The following NCBP2L variants were observed in gnomAD, a reference collection of about 807,000 sequenced individuals.
NCBP2L encodes nuclear cap-binding protein subunit 2-like.
For missense variants in NCBP2L, 95 were observed against 53.1 expected (o/e 1.79, Z -2.45); for synonymous variants, 39 against 19.2 (o/e 2.04, Z -2.70).
At chrX:107,792,554 A>G (rs1377840080) in intron 1 of NCBP2L, among the ~76,000 whole-genome samples, 1 of 111,934 alleles carries the variant, frequency 8.9e-6, no homozygotes, top group Admixed American at 9.5e-5. Flanking sequence ...TGAATTGCAC[A>G]GCACTGTTGT....
At chrX:107,787,753 AC>A (rs1448727425) in intron 1 of NCBP2L, among the ~76,000 whole-genome samples, 1 of 111,900 alleles carries the variant, frequency 8.9e-6, no homozygotes, top group African/African-American at 3.2e-5. Context: ...GCATGTAGTA[AC>A]ACTACTGTCC....
Position 107,781,007 on chromosome X carries a change from G to GTC in NCBP2L, c.-73+3152_-73+3153dup, listed in dbSNP as rs759818084. On this transcript the variant is annotated intron_variant, in intron 1 of 1. Transcript: ENST00000509000. ...AGTGGTACAATCTCAGCTCACTACA[G>GTC]TCTCGACCTCCTGGGCTCCAGGGGT... 9.9e-3 allele frequency among the ~76,000 whole-genome samples: 1,092 copies of GTC among 110,549 alleles called. 7 individuals are homozygous for GTC. The highest frequency in any genetic ancestry group is 0.016 in the Non-Finnish European group (845 of 52,894).
At chrX:107,791,509 G>A (rs1930452530) in intron 1 of NCBP2L, among the ~76,000 whole-genome samples, 1 of 112,447 alleles carries the variant, frequency 8.9e-6, no homozygotes, top group East Asian at 2.8e-4. Flanking sequence ...GCCTCCCAAA[G>A]TGCTGGGATT....
At chrX:107,783,642 G>A (rs1930358282) in intron 1 of NCBP2L, among the ~76,000 whole-genome samples, 1 of 108,986 alleles carries the variant, frequency 9.2e-6, no homozygotes. Flanking sequence ...CAAAGTGCTG[G>A]GATTACAGAC....
chrX:107,784,569 A>G (rs1380289784), intron 1 of NCBP2L, among the ~76,000 whole-genome samples: 2 of 110,193 alleles, frequency 1.8e-5, no homozygotes, highest in African/African-American at 3.3e-5. Flanking sequence ...ACTTTTCCCG[A>G]TAACAATCTC....
intron 1 of NCBP2L, among the ~76,000 whole-genome samples, chrX:107,779,837 G>A (rs1930243184): frequency 1.0e-5 from 1 of 99,895 alleles, no homozygotes; most frequent in Non-Finnish European, 2.0e-5. Context: ...TCCACCTCCC[G>A]GGTTCACGCC....
At chrX:107,779,738 ATTTTTTTTT>A (rs60997776) in intron 1 of NCBP2L, among the ~76,000 whole-genome samples, 3 of 36,634 alleles carry the variant, frequency 8.2e-5, no homozygotes, top group African/African-American at 3.0e-4. Flanking sequence ...TATCCCCTGA[ATTTTTTTTT>A]TTTTTTTTTT....
At chrX:107,781,782 C>CTATAGATATCTATATTTATATATAGATA (rs1930291527) in intron 1 of NCBP2L, among the ~76,000 whole-genome samples, 1 of 29,391 alleles carries the variant, frequency 3.4e-5, no homozygotes, top group Non-Finnish European at 7.2e-5. Context: ...ATATATAGAT[C>CTATAGATATCTATATTTATATATAGATA]TATAGATATC....
chrX:107,782,198 T>TATATATATAA (rs1930305540), intron 1 of NCBP2L, among the ~76,000 whole-genome samples: 2 of 13,805 alleles, frequency 1.4e-4, no homozygotes, highest in Non-Finnish European at 2.1e-4. Context: ...TATATATAAA[T>TATATATATAA]ATATATATAT....
intron 1 of NCBP2L, among the ~76,000 whole-genome samples, chrX:107,782,236 AATATATATATATAAAT>A (rs1216401744): frequency 0.041 from 294 of 7,200 alleles, 6 homozygotes; most frequent in Non-Finnish European, 0.055. Context: ...TATATATATA[AATATATATATATAAAT>A]ATATATATAA....
At chrX:107,781,279 G>A (rs1280521701) in intron 1 of NCBP2L, among the ~76,000 whole-genome samples, 5 of 95,409 alleles carry the variant, frequency 5.2e-5, no homozygotes, top group Non-Finnish European at 1.0e-4. Flanking sequence ...GCAGTGGCAC[G>A]ATCTCGGCTC....
At chrX:107,786,080 C>T (rs768079679) in intron 1 of NCBP2L, among the ~76,000 whole-genome samples, 1 of 111,440 alleles carries the variant, frequency 9.0e-6, no homozygotes, top group Admixed American at 9.6e-5. Flanking sequence ...ATACTGTGCA[C>T]GCAGATTGAT....
chrX:107,783,729 G>A (rs1355293821), intron 1 of NCBP2L, among the ~76,000 whole-genome samples: 2 of 110,668 alleles, frequency 1.8e-5, no homozygotes, highest in African/African-American at 6.6e-5. Context: ...ATTGTGAAAC[G>A]ATTACCACAA....
intron 1 of NCBP2L, among the ~76,000 whole-genome samples, chrX:107,782,170 TATATATATATAA>T (rs1341294217): frequency 1.8e-3 from 65 of 36,378 alleles, no homozygotes; most frequent in African/African-American, 8.3e-3. Flanking sequence ...CACGGCTATA[TATATATATATAA>T]ATATATATAT....
intron 1 of NCBP2L, among the ~76,000 whole-genome samples, chrX:107,790,538 T>C (rs1361012163): frequency 9.0e-6 from 1 of 111,231 alleles, no homozygotes; most frequent in Admixed American, 9.6e-5. Context: ...TATCATCTTT[T>C]CCTTATTTTC....
chrX:107,791,679 C>T (rs1423102132), intron 1 of NCBP2L, among the ~76,000 whole-genome samples: 1 of 111,541 alleles, frequency 9.0e-6, no homozygotes, highest in Non-Finnish European at 1.9e-5. Flanking sequence ...ATTTGTATAT[C>T]CTATTTTGAA....
intron 1 of NCBP2L, among the ~76,000 whole-genome samples, chrX:107,781,072 G>A (rs1252943053): frequency 3.6e-5 from 4 of 109,886 alleles, no homozygotes; most frequent in African/African-American, 1.3e-4. Flanking sequence ...GACTGCAAGG[G>A]TGTGCTACCA....
At chrX:107,781,472 A>ATTTTT (rs769639335) in intron 1 of NCBP2L, among the ~76,000 whole-genome samples, 33 of 73,852 alleles carry the variant, frequency 4.5e-4, no homozygotes, top group African/African-American at 2.2e-3. Context: ...CGCCCGGCTA[A>ATTTTT]TTTTTTTTTT....
Position 107,794,914 on chromosome X carries a change from G to T in NCBP2L, c.*232G>T. The T allele has an allele frequency of 3.7e-6, 1 of 269,747 alleles. No individual in the cohort carries two copies. The highest frequency in any genetic ancestry group is 6.6e-6 in the Non-Finnish European group (1 of 152,292). 22.2% of individuals were successfully genotyped at this position (269,747 alleles called of 1,213,427 possible). Reference sequence around the variant, plus strand: ...TGACTGTTAGGTGGTCCAAAGTGAAGTGTTCTTCGGGAACAAATTAGGTAT... The same window carrying T: ...TGACTGTTAGGTGGTCCAAAGTGAATTGTTCTTCGGGAACAAATTAGGTAT... On this transcript the variant is annotated 3_prime_UTR_variant, in exon 2 of 2. Coordinates refer to ENST00000509000, the MANE Select transcript of NCBP2L (RefSeq NM_001348372.2).
Sources: allele counts gnomAD v4.1 joint callset (sites outside exome capture counted in the v4.1 genomes callset), GRCh38; gene constraint gnomAD v4.1.1; transcripts MANE v1.5; gene names NCBI Gene and HGNC (gene_info 2026-07-23, HGNC 2026-07-21).